Variants in ATF7IP observed in about 807,000 individuals in gnomAD.
ATF7IP encodes activating transcription factor 7-interacting protein 1.
In ATF7IP, 23 loss-of-function variants were observed where a neutral mutation model predicts 106.4. The ratio of observed to expected loss-of-function variants is 0.22; its 90% CI spans 0.16 to 0.31. The LOEUF (loss-of-function observed/expected upper bound fraction) is 0.31. ATF7IP is among the 10% of genes least tolerant of loss of function. The pLI, the probability that ATF7IP is intolerant of heterozygous loss-of-function variation, is 1.00. For missense variants in ATF7IP, 1,334 were observed against 1,524.3 expected, an observed-to-expected ratio of 0.88 and a Z score of 2.08; for synonymous variants, 542 against 539.0, an observed-to-expected ratio of 1.01 and a Z score of -0.08.
intron 2 of ATF7IP, 50 bp downstream of exon 2, chr12:14,425,523 T>C: frequency 6.8e-7 from 1 of 1,463,318 alleles, no homozygotes; most frequent in Non-Finnish European, 9.1e-7. Flanking sequence ...TTTGATGAAC[T>C]GTTTAATAAA....
chr12:14,485,882 C>A (rs529016598), intron 13 of ATF7IP, among the ~76,000 whole-genome samples: 2 of 152,304 alleles, frequency 1.3e-5, no homozygotes, highest in Non-Finnish European at 2.9e-5. Context: ...CTGCATAGGC[C>A]ACATGGGAGA....
chr12:14,442,790 A>G (rs1942771124), intron 5 of ATF7IP, among the ~76,000 whole-genome samples: 1 of 152,232 alleles, frequency 6.6e-6, no homozygotes, highest in South Asian at 2.1e-4. Flanking sequence ...AGGAGACAAG[A>G]TCCAGAAGGG....
Position 14,404,597 on chromosome 12 carries a change from G to T in ATF7IP, c.-7-19312G>T, listed in dbSNP as rs562480796. ...TTTGCCTAAGATCTGTCATACCCTG[G>T]TGTGTGTATGTATATTTGGTTTTTT... On this transcript the variant is annotated intron_variant, in intron 1 of 14. Coordinates refer to ENST00000261168, the MANE Select transcript of ATF7IP (RefSeq NM_018179.5). Among the ~76,000 whole-genome samples the T allele has an allele frequency of 8.6e-5, 13 of 152,024 alleles. No homozygotes were observed. In the East Asian group the frequency reaches 2.5e-3, roughly 29 times the overall value.
chr12:14,443,542 C>T (rs1565516606), intron 5 of ATF7IP, among the ~76,000 whole-genome samples: 2 of 152,158 alleles, frequency 1.3e-5, no homozygotes, highest in South Asian at 2.1e-4. Flanking sequence ...TTAAAATTCA[C>T]TGGTCATTCA....
chr12:14,454,313 GC>G (rs969181010), intron 6 of ATF7IP, among the ~76,000 whole-genome samples: 5 of 152,108 alleles, frequency 3.3e-5, no homozygotes, highest in African/African-American at 9.7e-5. Flanking sequence ...TTGTATTAGT[GC>G]TTCCCCTGCT....
intron 2 of ATF7IP, among the ~76,000 whole-genome samples, chr12:14,427,183 C>T (rs1246266013): frequency 6.6e-6 from 1 of 151,986 alleles, no homozygotes; most frequent in African/African-American, 2.4e-5. Context: ...AGTACAGTGG[C>T]ACAATCATAG....
At chr12:14,426,330 A>AT (rs1387004812) in intron 2 of ATF7IP, among the ~76,000 whole-genome samples, 1 of 152,106 alleles carries the variant, frequency 6.6e-6, no homozygotes, top group Non-Finnish European at 1.5e-5. Context: ...AAAAGCATGA[A>AT]TACCTTTCTT....
chr12:14,473,576 T>C (rs1478281350), intron 10 of ATF7IP, among the ~76,000 whole-genome samples: 1 of 152,086 alleles, frequency 6.6e-6, no homozygotes, highest in Non-Finnish European at 1.5e-5. Context: ...GAACAGAAAA[T>C]AGATATAGTC....
chr12:14,370,905 T>A (rs1938508041), intron 1 of ATF7IP, among the ~76,000 whole-genome samples: 1 of 151,072 alleles, frequency 6.6e-6, no homozygotes, highest in Non-Finnish European at 1.5e-5. Flanking sequence ...ACAGACAATT[T>A]TTTTTTTTTT....
intron 1 of ATF7IP, among the ~76,000 whole-genome samples, chr12:14,368,574 CAAAGGACTTTT>C (rs1938399753): frequency 6.6e-6 from 1 of 151,970 alleles, no homozygotes; most frequent in South Asian, 2.1e-4. Flanking sequence ...AAATTACTTT[CAAAGGACTTTT>C]AAAGTAATTT....
At chr12:14,430,372 G>A (rs1285963594) in intron 2 of ATF7IP, among the ~76,000 whole-genome samples, 1 of 152,158 alleles carries the variant, frequency 6.6e-6, no homozygotes, top group African/African-American at 2.4e-5. Flanking sequence ...CCTGATTTGG[G>A]TTTCAGAGAG....
intron 6 of ATF7IP, among the ~76,000 whole-genome samples, chr12:14,454,266 T>C (rs1389835690): frequency 6.6e-6 from 1 of 152,136 alleles, no homozygotes; most frequent in Non-Finnish European, 1.5e-5. Context: ...CTGGTACCTG[T>C]CTTTGCTATA....
Position 14,478,528 on chromosome 12 carries a change from A to T in ATF7IP, c.3097+56A>T, listed in dbSNP as rs1332761336. On this transcript the variant is annotated intron_variant, in intron 12 of 14. Coordinates refer to ENST00000261168, the MANE Select transcript of ATF7IP (RefSeq NM_018179.5). ...TTGGTTTTGCCTGTAGAGAACTATGACTATGGAGTTAAGTGGAAAGATAAG... is the reference window on the plus strand; with the variant it reads ...TTGGTTTTGCCTGTAGAGAACTATGTCTATGGAGTTAAGTGGAAAGATAAG... 7.0e-6 allele frequency: 11 copies of T among 1,578,008 alleles called. No individual in the cohort carries two copies. In the East Asian group the frequency reaches 2.5e-4, roughly 35 times the overall value.
intron 10 of ATF7IP, among the ~76,000 whole-genome samples, chr12:14,467,012 C>G (rs536728038): frequency 6.6e-6 from 1 of 152,122 alleles, no homozygotes; most frequent in African/African-American, 2.4e-5. Context: ...CAAAGGTAAT[C>G]AGAAATACCT....
Position 14,424,213 on chromosome 12 carries a change from A to G in ATF7IP, c.298A>G (p.Lys100Glu), listed in dbSNP as rs1380920622. Residue 100 changes from lysine to glutamate, a missense_variant, in exon 2 of 15, where the codon AAA becomes GAA. Coordinates refer to ENST00000261168, the MANE Select transcript of ATF7IP (RefSeq NM_018179.5). ...ACCCTGTATCCTAAGTGTTAATGTA[A>G]AAAACAAGCAGGATGATGATTTAAA... The part of the protein sequence containing the change: ...ETPCILSVNV[K>E]NKQDDDLNCE... 1 of 1,614,196 alleles carries G rather than the reference A, an allele frequency of 6.2e-7. No homozygotes were observed. The highest frequency in any genetic ancestry group is 2.2e-5 in the East Asian group (1 of 44,880).
chr12:14,470,386 A>AT (rs1299670355), intron 10 of ATF7IP, among the ~76,000 whole-genome samples: 1 of 152,170 alleles, frequency 6.6e-6, no homozygotes, highest in African/African-American at 2.4e-5. Context: ...ATTTGATATA[A>AT]TTTTTTAATG....
At position 14,456,630 on chromosome 12, in the gene ATF7IP, T is replaced by C. The variant is rs1368852275; in HGVS notation, c.2065T>C (p.Tyr689His). 1.2e-6 allele frequency: 2 copies of C among 1,603,708 alleles called. No individual in the cohort carries two copies. Among genetic ancestry groups the C allele is most frequent in the Non-Finnish European group, 1.7e-6 (2 of 1,171,946 alleles). ...TGTCAACAGCAATAATAACATGTCTTACAGGTGAGAATTCATAGTCTGTCT... is the reference window on the plus strand; with the variant it reads ...TGTCAACAGCAATAATAACATGTCTCACAGGTGAGAATTCATAGTCTGTCT... ...NDVNSNNNMS[Y>H]RNAGTVRQML... Residue 689 changes from tyrosine to histidine, a missense_variant, in exon 7 of 15, where the codon TAC becomes CAC. Tyr to His is a moderately conservative substitution (Grantham distance 83, BLOSUM62 2). Transcript: ENST00000261168.
intron 10 of ATF7IP, among the ~76,000 whole-genome samples, chr12:14,473,461 TGTG>T (rs1944138553): frequency 6.6e-6 from 1 of 152,166 alleles, no homozygotes; most frequent in African/African-American, 2.4e-5. Context: ...TCACATATAT[TGTG>T]GTCTTGTTTG....
chr12:14,473,672 C>T (rs1350636595), intron 10 of ATF7IP, among the ~76,000 whole-genome samples: 1 of 151,982 alleles, frequency 6.6e-6, no homozygotes, highest in East Asian at 1.9e-4. Context: ...TGAAGAATGT[C>T]CTTAAGCTCA....
Sources: gnomAD v4.1 joint callset for allele counts (sites outside exome capture counted in the v4.1 genomes callset) on GRCh38, gnomAD v4.1.1 for gene constraint, MANE v1.5 for transcripts, NCBI Gene and HGNC (gene_info 2026-07-23, HGNC 2026-07-21) for gene names.